The following DNAJB4 variants were observed in gnomAD, a reference collection of about 807,000 sequenced individuals.
DNAJB4 encodes dnaJ homolog subfamily B member 4.
A neutral mutation model predicts 26.6 loss-of-function variants in DNAJB4; 10 were observed. The ratio of observed to expected loss-of-function variants is 0.38; its 90% CI spans 0.23 to 0.64. The LOEUF (loss-of-function observed/expected upper bound fraction) is 0.64. DNAJB4 is among the 30% of genes least tolerant of loss of function. The pLI, the probability that DNAJB4 is intolerant of heterozygous loss-of-function variation, is 0.58. For missense variants in DNAJB4, 328 were observed against 408.2 expected (o/e 0.80, Z 1.69); for synonymous variants, 136 against 134.8 (o/e 1.01, Z -0.06).
Position 78,005,084 on chromosome 1 carries a change from A to G in DNAJB4, c.-27A>G. 2 of 1,601,832 alleles carry G rather than the reference A, an allele frequency of 1.2e-6. No homozygotes were observed. Among genetic ancestry groups the G allele is most frequent in the Non-Finnish European group, 8.5e-7 (1 of 1,174,220 alleles). ...ACGCTGTTTTCTTTTACAAAGGGAA[A>G]TCTAAGTTAATTTCAAGGCATTCGA... On this transcript the variant is annotated 5_prime_UTR_variant, in exon 1 of 3. Coordinates refer to ENST00000370763, the MANE Select transcript of DNAJB4 (RefSeq NM_007034.5).
upstream of DNAJB4, chr1:78,004,547 A>AT (rs1396645420): frequency 1.3e-5 from 2 of 152,278 alleles, no homozygotes; most frequent in East Asian, 3.8e-4. Flanking sequence ...TAAAATTAAA[A>AT]AATCCCTAAA....
intron 1 of DNAJB4, among the ~76,000 whole-genome samples, chr1:77,984,364 CAA>C (rs1231934039): frequency 1.3e-5 from 2 of 152,186 alleles, no homozygotes; most frequent in African/African-American, 4.8e-5. Context: ...AGTTTCTTAA[CAA>C]AAGGTCACCA....
Position 78,016,514 on chromosome 1 carries a change from T to G in DNAJB4, c.*267T>G, listed in dbSNP as rs1660647050. On this transcript the variant is annotated 3_prime_UTR_variant, in exon 3 of 3. Transcript: ENST00000370763. ...TTTGCTTATATGTAAAAGTTGTTTT[T>G]GTGGAGTCAGTGGATATATTTCTAA... is the stretch of plus-strand genomic sequence containing the variant. 3.7e-5 allele frequency: 16 copies of G among 426,906 alleles called. No individual in the cohort carries two copies. Among genetic ancestry groups the G allele is most frequent in the Middle Eastern group, 6.6e-4 (1 of 1,508 alleles). 26.4% of individuals were successfully genotyped at this position (426,906 alleles called of 1,614,324 possible).
upstream of DNAJB4, among the ~76,000 whole-genome samples, chr1:78,001,434 A>G (rs1425557003): frequency 6.6e-6 from 1 of 152,130 alleles, no homozygotes; most frequent in African/African-American, 2.4e-5. Flanking sequence ...ATGGTAAAAT[A>G]TGAGAAGTCA....
In DNAJB4 at chr1:78,017,518, C is replaced by T. The variant is rs1660671342; in HGVS notation, c.*1271C>T. On this transcript the variant is annotated 3_prime_UTR_variant, in exon 3 of 3. Coordinates refer to ENST00000370763, the MANE Select transcript of DNAJB4 (RefSeq NM_007034.5). ...TATTACTTTATTGAGATATAATTTA[C>T]ATGCCATAAAGTTTACCCTTAAAAT... The T allele has an allele frequency of 6.6e-6, 1 of 151,938 alleles. No homozygotes were observed. Among genetic ancestry groups the T allele is most frequent in the South Asian group, 2.1e-4 (1 of 4,838 alleles). The allele number at this position is 151,938 out of a possible 1,614,324, so 9.4% of individuals were successfully genotyped here. A position where few individuals can be genotyped will look rare whatever the true frequency, so the allele number is the denominator to read the frequency against.
chr1:78,007,258 A>G (rs1024887298), intron 1 of DNAJB4, among the ~76,000 whole-genome samples: 2 of 152,142 alleles, frequency 1.3e-5, no homozygotes, highest in African/African-American at 4.8e-5. Flanking sequence ...ATGCAGAAAT[A>G]CCATTCTCTA....
At chr1:77,990,259 C>T (rs1374408924) in intron 1 of DNAJB4, among the ~76,000 whole-genome samples, 1 of 152,132 alleles carries the variant, frequency 6.6e-6, no homozygotes, top group Non-Finnish European at 1.5e-5. Context: ...TTGATGTGCC[C>T]CTTAAATGCT....
At chr1:77,987,084 T>C (rs1223255123) in intron 1 of DNAJB4, among the ~76,000 whole-genome samples, 2 of 152,222 alleles carry the variant, frequency 1.3e-5, no homozygotes, top group Non-Finnish European at 2.9e-5. Context: ...TCAAGTGTCA[T>C]ACTGGCTTAG....
chr1:78,014,020 A>G (rs916443742), intron 2 of DNAJB4, among the ~76,000 whole-genome samples: 1 of 152,004 alleles, frequency 6.6e-6, no homozygotes, highest in African/African-American at 2.4e-5. Context: ...GTATACATTT[A>G]TATTAATAAA....
At position 78,014,178 on chromosome 1, in the gene DNAJB4, G is replaced by A. The variant is rs12030440; in HGVS notation, c.780+559G>A. Among the ~76,000 whole-genome samples the A allele has an allele frequency of 0.017, 2,570 of 149,280 alleles. 429 individuals carry two copies. In the East Asian group the frequency reaches 0.4, roughly 23 times the overall value. ...GCTCTGTCACCCACAGCGCAATCTC[G>A]GCTCACTGCAACCTCTGCCTCCGGG... On this transcript the variant is annotated intron_variant, in intron 2 of 2. Coordinates refer to ENST00000370763, the MANE Select transcript of DNAJB4 (RefSeq NM_007034.5).
chr1:77,982,088 G>A (rs972309524), intron 1 of DNAJB4, among the ~76,000 whole-genome samples: 3 of 152,138 alleles, frequency 2.0e-5, no homozygotes, highest in Non-Finnish European at 2.9e-5. Flanking sequence ...CTTATCATCC[G>A]GTTCTTAAGT....
chr1:78,015,278 C>G (rs893724138), intron 2 of DNAJB4, among the ~76,000 whole-genome samples: 3 of 152,128 alleles, frequency 2.0e-5, no homozygotes, highest in Non-Finnish European at 4.4e-5. Context: ...CTAATACTTT[C>G]CAGAGAAATA....
chr1:78,014,910 C>T (rs377623369), intron 2 of DNAJB4, among the ~76,000 whole-genome samples: 1 of 152,066 alleles, frequency 6.6e-6, no homozygotes, highest in South Asian at 2.1e-4. Flanking sequence ...CCAGTTTGCT[C>T]TATTATTATC....
chr1:78,005,417 G>A (rs1571441127), intron 1 of DNAJB4, 96 bp downstream of exon 1: 2 of 994,502 alleles, frequency 2.0e-6, no homozygotes, highest in East Asian at 6.6e-5. Flanking sequence ...CTCTCAGCTT[G>A]TTAAGGTTAT....
Position 77,989,348 on chromosome 1 carries a change from T to C in DNAJB4, c.-32+9026T>C, listed in dbSNP as rs115551561. On this transcript the variant is annotated intron_variant, in intron 1 of 2. Coordinates refer to the DNAJB4 transcript ENST00000426517. The stretch of plus-strand genomic sequence containing the variant: ...TTAAATATCCTCCTCTATATTGTTT[T>C]CTTCTTCTCTGGACTATCTTAAAAC... 3.2e-3 allele frequency among the ~76,000 whole-genome samples: 487 copies of C among 152,142 alleles called. 4 individuals carry two copies. The highest frequency in any genetic ancestry group is 0.017 in the East Asian group (86 of 5,192).
intron 1 of DNAJB4, among the ~76,000 whole-genome samples, chr1:77,984,805 A>T (rs940181920): frequency 6.6e-6 from 1 of 152,260 alleles, no homozygotes; most frequent in African/African-American, 2.4e-5. Flanking sequence ...TTGAGGCCAG[A>T]TGGCACTGAA....
chr1:77,979,699 CTGGAAGCCTGT>C (rs1659446248), upstream of DNAJB4: 1 of 152,200 alleles, frequency 6.6e-6, no homozygotes, highest in Admixed American at 6.5e-5. Flanking sequence ...TGAATTCAGG[CTGGAAGCCTGT>C]TAGTTCTCGA....
chr1:77,980,339 A>ATATATGTGTGTGTGTG (rs1477495217), intron 1 of DNAJB4: 1 of 126,072 alleles, frequency 7.9e-6, no homozygotes, highest in African/African-American at 3.9e-5. Flanking sequence ...ATATATATAT[A>ATATATGTGTGTGTGTG]TGTGTGTGTG....
chr1:77,985,870 T>C (rs1001041398), intron 1 of DNAJB4, among the ~76,000 whole-genome samples: 1 of 152,098 alleles, frequency 6.6e-6, no homozygotes, highest in Admixed American at 6.6e-5. Context: ...TAGACATATA[T>C]CTCACCGTCT....
Sources: gnomAD v4.1 joint callset for allele counts (sites outside exome capture counted in the v4.1 genomes callset) on GRCh38, gnomAD v4.1.1 for gene constraint, MANE v1.5 for transcripts, NCBI Gene and HGNC (gene_info 2026-07-23, HGNC 2026-07-21) for gene names.